SLC39A11: variants seen among roughly 807,000 people sequenced by gnomAD.
The protein encoded by SLC39A11 is solute carrier family 39 member 11.
In SLC39A11, 33 loss-of-function variants were observed where a neutral mutation model predicts 36.1. The ratio of observed to expected loss-of-function variants is 0.91; its 90% CI spans 0.69 to 1.22. The LOEUF (loss-of-function observed/expected upper bound fraction) is 1.22, where lower values mean the gene tolerates loss of function less well. SLC39A11 is among the 50% of genes most tolerant of loss of function. The pLI, the probability that SLC39A11 is intolerant of heterozygous loss-of-function variation, is 0.00. For synonymous variants in SLC39A11, 166 were observed against 170.3 expected, an observed-to-expected ratio of 0.97 and a Z score of 0.20; for missense variants, 432 against 430.3, an observed-to-expected ratio of 1.00 and a Z score of -0.03.
At chr17:72,773,632 G>C (rs1030662241) in intron 6 of SLC39A11, among the ~76,000 whole-genome samples, 2 of 132,584 alleles carry the variant, frequency 1.5e-5, no homozygotes, top group Admixed American at 7.2e-5. Context: ...ACTAATACAG[G>C]GGAGACCATC....
intron 7 of SLC39A11, among the ~76,000 whole-genome samples, chr17:72,698,834 T>TTTTTG (rs368420240): frequency 6.6e-6 from 1 of 152,054 alleles, no homozygotes; most frequent in African/African-American, 2.4e-5. Flanking sequence ...GTTGGTTCTT[T>TTTTTG]TTTTGTTTTG....
At position 72,985,407 on chromosome 17, in the gene SLC39A11, C is replaced by CTTTTTTTTT; in HGVS notation, c.307-37541_307-37533dup. 1.2e-3 allele frequency among the ~76,000 whole-genome samples: 96 copies of CTTTTTTTTT among 78,928 alleles called. 7 individuals are homozygous for CTTTTTTTTT. Among genetic ancestry groups the CTTTTTTTTT allele is most frequent in the Non-Finnish European group, 1.7e-3 (71 of 42,946 alleles). The allele number at this position is 78,928 out of a possible 152,430, so 51.8% of individuals were successfully genotyped here. The stretch of plus-strand genomic sequence containing the variant: ...CCTTCTTTATTTGCATGGGGCCTGC[C>CTTTTTTTTT]TTTTTTTTTTTTTTTTTTTTTTTGA... On this transcript the variant is annotated intron_variant, in intron 4 of 9. Coordinates refer to ENST00000255559, the MANE Select transcript of SLC39A11 (RefSeq NM_139177.4).
chr17:72,677,055 G>T (rs1312078385), intron 7 of SLC39A11, among the ~76,000 whole-genome samples: 1 of 152,176 alleles, frequency 6.6e-6, no homozygotes. Flanking sequence ...TGAGTCTTGT[G>T]AGTCCTTGTA....
Position 72,717,288 on chromosome 17 carries a change from G to A in SLC39A11, c.671+19362C>T, listed in dbSNP as rs79342484. The stretch of plus-strand genomic sequence containing the variant: ...GGACCTCAGGGACAGAGAAGACGCC[G>A]ATGGAGGTAGGGAGACCCGATGCCC... On this transcript the variant is annotated intron_variant, in intron 7 of 9. Transcript: ENST00000255559. Among the ~76,000 whole-genome samples the A allele has an allele frequency of 1.8e-4, 28 of 152,210 alleles. 2 individuals are homozygous for A. In the South Asian group the frequency reaches 4.8e-3, roughly 26 times the overall value.
At chr17:72,975,827 G>A (rs1173263497) in intron 4 of SLC39A11, among the ~76,000 whole-genome samples, 1 of 152,192 alleles carries the variant, frequency 6.6e-6, no homozygotes, top group East Asian at 1.9e-4. Flanking sequence ...CAGGTATGGT[G>A]TATAGAGCAG....
chr17:72,889,799 T>C (rs767631278), intron 5 of SLC39A11, among the ~76,000 whole-genome samples: 4 of 152,234 alleles, frequency 2.6e-5, no homozygotes, highest in Non-Finnish European at 4.4e-5. Flanking sequence ...AATAGTTTTT[T>C]CATTGTTTGT....
At chr17:72,822,257 TAGAGAG>T (rs201373790) in intron 6 of SLC39A11, among the ~76,000 whole-genome samples, 35 of 147,054 alleles carry the variant, frequency 2.4e-4, no homozygotes, top group African/African-American at 7.9e-4. Context: ...TATATATATA[TAGAGAG>T]AGAGAATATA....
chr17:72,734,717 GGGAC>G (rs1262942711), intron 7 of SLC39A11, among the ~76,000 whole-genome samples: 1 of 152,228 alleles, frequency 6.6e-6, no homozygotes, highest in Non-Finnish European at 1.5e-5. Context: ...GATGTCGCGG[GGGAC>G]GTGGTGCCAC....
At chr17:72,828,679 C>T (rs11870239) in intron 6 of SLC39A11, among the ~76,000 whole-genome samples, 6 of 151,978 alleles carry the variant, frequency 3.9e-5, no homozygotes, top group South Asian at 2.1e-4. Context: ...ACCTGTGGGC[C>T]ATGGGTGCCC....
intron 7 of SLC39A11, among the ~76,000 whole-genome samples, chr17:72,654,358 G>T (rs1273377675): frequency 6.6e-6 from 1 of 152,136 alleles, no homozygotes; most frequent in Non-Finnish European, 1.5e-5. Flanking sequence ...TCAGTTATAG[G>T]ATGCTGACAA....
intron 3 of SLC39A11, among the ~76,000 whole-genome samples, chr17:73,056,974 T>A (rs1368091234): frequency 6.6e-6 from 1 of 152,144 alleles, no homozygotes; most frequent in African/African-American, 2.4e-5. Flanking sequence ...TTTTTTCTTT[T>A]CCTGAGACAC....
chr17:72,697,748 G>A (rs1291464342), intron 7 of SLC39A11, among the ~76,000 whole-genome samples: 1 of 87,232 alleles, frequency 1.1e-5, no homozygotes, highest in Non-Finnish European at 2.5e-5. Context: ...CCCCACCCCC[G>A]CCCCGACCCT....
At chr17:72,787,884 A>G (rs548251905) in intron 6 of SLC39A11, among the ~76,000 whole-genome samples, 2 of 152,222 alleles carry the variant, frequency 1.3e-5, no homozygotes, top group African/African-American at 4.8e-5. Context: ...TACTGGGCGC[A>G]TCCAGTTATT....
intron 6 of SLC39A11, among the ~76,000 whole-genome samples, chr17:72,784,857 CTTCTT>C (rs200333667): frequency 0.038 from 4,359 of 116,130 alleles, 86 homozygotes; most frequent in Non-Finnish European, 0.057. Context: ...TTTTTTCTTT[CTTCTT>C]TTTTTTTTTT....
intron 7 of SLC39A11, among the ~76,000 whole-genome samples, chr17:72,680,387 C>T (rs868788154): frequency 5.3e-5 from 8 of 152,266 alleles, no homozygotes; most frequent in Non-Finnish European, 1.2e-4. Flanking sequence ...TCCCATAATT[C>T]CCATATGTCA....
intron 6 of SLC39A11, among the ~76,000 whole-genome samples, chr17:72,769,206 G>T (rs1454799933): frequency 2.0e-5 from 3 of 152,152 alleles, no homozygotes; most frequent in African/African-American, 7.2e-5. Flanking sequence ...CCTACCTGGG[G>T]TGACCCCAGA....
chr17:73,044,091 T>C (rs1040825163), intron 3 of SLC39A11, among the ~76,000 whole-genome samples: 1 of 151,972 alleles, frequency 6.6e-6, no homozygotes, highest in African/African-American at 2.4e-5. Flanking sequence ...CCAGTGATAA[T>C]GATGGGCAGG....
intron 4 of SLC39A11, among the ~76,000 whole-genome samples, chr17:72,986,143 CTGT>C (rs148077319): frequency 6.6e-5 from 10 of 152,270 alleles, no homozygotes; most frequent in Admixed American, 2.6e-4. Flanking sequence ...CAATAAATGT[CTGT>C]TGTTTAAGCT....
At chr17:72,834,170 T>C (rs947556619) in intron 6 of SLC39A11, among the ~76,000 whole-genome samples, 1 of 152,232 alleles carries the variant, frequency 6.6e-6, no homozygotes, top group Non-Finnish European at 1.5e-5. Flanking sequence ...GTTCTACATC[T>C]TGTGTTGTCC....
Sources: allele counts gnomAD v4.1 joint callset (sites outside exome capture counted in the v4.1 genomes callset), GRCh38; gene constraint gnomAD v4.1.1; transcripts MANE v1.5; gene names NCBI Gene and HGNC (gene_info 2026-07-23, HGNC 2026-07-21).